Variants in NEK6 observed in about 807,000 individuals in gnomAD.
The protein encoded by NEK6 is NIMA related kinase 6.
NEK6 carries 27 observed loss-of-function variants against 43.5 expected under a neutral mutation model. The observed-to-expected ratio is 0.62, with a 90% confidence interval of 0.46 to 0.86. NEK6 has a LOEUF of 0.86. Ranked by LOEUF, NEK6 falls within the 40% of genes least tolerant of loss-of-function variation. The pLI, the probability that NEK6 is intolerant of heterozygous loss-of-function variation, is 0.00. For missense variants in NEK6, 318 were observed against 414.4 expected, an observed-to-expected ratio of 0.77 and a Z score of 2.02; for synonymous variants, 167 against 164.1, an observed-to-expected ratio of 1.02 and a Z score of -0.14.
intron 5 of NEK6, among the ~76,000 whole-genome samples, chr9:124,323,283 A>C (rs950950838): frequency 6.6e-6 from 1 of 152,232 alleles, no homozygotes; most frequent in African/African-American, 2.4e-5. Context: ...TGGGCTGTCC[A>C]GAAGCAGAAA....
intron 7 of NEK6, among the ~76,000 whole-genome samples, chr9:124,338,003 G>A (rs771839021): frequency 1.9e-4 from 29 of 152,260 alleles, no homozygotes; most frequent in Middle Eastern, 6.8e-3. Flanking sequence ...TTGAGACAGA[G>A]TCTCACTCAC....
intron 4 of NEK6, among the ~76,000 whole-genome samples, chr9:124,319,218 C>T (rs1004903293): frequency 8.6e-5 from 13 of 150,676 alleles, no homozygotes; most frequent in African/African-American, 3.2e-4. Context: ...CTCCTGATCT[C>T]AATGATCCGC....
chr9:124,302,158 C>G (rs1022343427), intron 2 of NEK6, 104 bp downstream of exon 2: 3 of 779,876 alleles, frequency 3.8e-6, no homozygotes, highest in Non-Finnish European at 4.0e-6. Flanking sequence ...CCCTTCAGCT[C>G]CCTGAAACAG....
intron 1 of NEK6, among the ~76,000 whole-genome samples, chr9:124,262,033 T>C (rs537018685): frequency 7.6e-4 from 116 of 151,994 alleles, no homozygotes; most frequent in Non-Finnish European, 1.5e-3. Flanking sequence ...CATGGAGCTC[T>C]GGGGAGCAGG....
intron 7 of NEK6, among the ~76,000 whole-genome samples, chr9:124,335,318 C>T (rs1255661197): frequency 6.6e-6 from 1 of 152,210 alleles, no homozygotes; most frequent in Non-Finnish European, 1.5e-5. Context: ...GATTTGCTGT[C>T]CTATAAGAAC....
At chr9:124,350,332 G>A (rs891427397) in intron 9 of NEK6, among the ~76,000 whole-genome samples, 1 of 151,398 alleles carries the variant, frequency 6.6e-6, no homozygotes, top group Non-Finnish European at 1.5e-5. Flanking sequence ...CGGGGCGGGA[G>A]CAGCCTTCAG....
intron 4 of NEK6, among the ~76,000 whole-genome samples, chr9:124,318,201 C>T (rs942132592): frequency 6.6e-6 from 1 of 152,032 alleles, no homozygotes; most frequent in Non-Finnish European, 1.5e-5. Context: ...TTTTTGACTT[C>T]GTAATAATTG....
At chr9:124,273,276 C>T (rs752715265) in intron 1 of NEK6, among the ~76,000 whole-genome samples, 5 of 152,176 alleles carry the variant, frequency 3.3e-5, no homozygotes, top group Non-Finnish European at 7.4e-5. Flanking sequence ...TGGTGGTCTC[C>T]GGACTAGCTT....
intron 4 of NEK6, among the ~76,000 whole-genome samples, chr9:124,317,695 C>A (rs1430053918): frequency 1.3e-5 from 2 of 152,202 alleles, no homozygotes; most frequent in African/African-American, 2.4e-5. Flanking sequence ...TCTTGTAGAG[C>A]CCAGTGTGTC....
intron 7 of NEK6, among the ~76,000 whole-genome samples, chr9:124,338,049 C>T (rs542146502): frequency 2.0e-5 from 3 of 152,268 alleles, no homozygotes; most frequent in East Asian, 3.9e-4. Flanking sequence ...GGCATGATCT[C>T]GGCTCACTGC....
chr9:124,348,821 A>T (rs1830098878), intron 9 of NEK6, among the ~76,000 whole-genome samples: 1 of 152,222 alleles, frequency 6.6e-6, no homozygotes, highest in Admixed American at 6.5e-5. Flanking sequence ...ATAACAGCTC[A>T]TGTTCAGACT....
intron 2 of NEK6, among the ~76,000 whole-genome samples, chr9:124,308,889 G>T (rs1419460035): frequency 6.6e-6 from 1 of 152,244 alleles, no homozygotes; most frequent in East Asian, 1.9e-4. Flanking sequence ...CCAGCCCAGG[G>T]TCACTTGGCT....
At chr9:124,308,532 C>G (rs184527065) in intron 2 of NEK6, among the ~76,000 whole-genome samples, 14 of 152,104 alleles carry the variant, frequency 9.2e-5, no homozygotes, top group South Asian at 2.1e-4. Context: ...CGGGCACCTG[C>G]TACTCCCCAG....
At chr9:124,285,372 CCTCCTGCAGT>C (rs1286358001) in intron 1 of NEK6, among the ~76,000 whole-genome samples, 1 of 152,156 alleles carries the variant, frequency 6.6e-6, no homozygotes, top group East Asian at 1.9e-4. Context: ...GGCAGGCTCC[CCTCCTGCAGT>C]CTCAGAGGCC....
intron 2 of NEK6, among the ~76,000 whole-genome samples, chr9:124,306,664 C>T (rs1046607970): frequency 2.0e-5 from 3 of 152,164 alleles, no homozygotes; most frequent in African/African-American, 7.2e-5. Flanking sequence ...CCCACAGTGC[C>T]GCTTTGGGCA....
At chr9:124,328,457 AC>A (rs913039894) in intron 7 of NEK6, among the ~76,000 whole-genome samples, 1 of 151,888 alleles carries the variant, frequency 6.6e-6, no homozygotes, top group Non-Finnish European at 1.5e-5. Flanking sequence ...CCCCAGGCCC[AC>A]CCCCTGTGTG....
At chr9:124,285,123 GT>G (rs907215976) in intron 1 of NEK6, among the ~76,000 whole-genome samples, 7 of 152,206 alleles carry the variant, frequency 4.6e-5, no homozygotes, top group Non-Finnish European at 8.8e-5. Context: ...GCAAGCCCAG[GT>G]TTTGGGTCAG....
intron 7 of NEK6, among the ~76,000 whole-genome samples, chr9:124,334,678 C>A (rs544867081): frequency 2.0e-5 from 3 of 152,308 alleles, no homozygotes; most frequent in Non-Finnish European, 2.9e-5. Context: ...GGGAGGGGAC[C>A]TTAAAGGAGC....
At chr9:124,269,043 T>G (rs1029611260) in intron 1 of NEK6, among the ~76,000 whole-genome samples, 3 of 152,170 alleles carry the variant, frequency 2.0e-5, no homozygotes, top group Non-Finnish European at 4.4e-5. Flanking sequence ...ATGTGATGTT[T>G]TGGGGTTTTA....
Sources: allele counts gnomAD v4.1 joint callset (sites outside exome capture counted in the v4.1 genomes callset), GRCh38; gene constraint gnomAD v4.1.1; transcripts MANE v1.5; gene names NCBI Gene and HGNC (gene_info 2026-07-23, HGNC 2026-07-21).